RGS7: variants seen among roughly 807,000 people sequenced by gnomAD.
The protein encoded by RGS7 is regulator of G protein signaling 7.
A neutral mutation model predicts 81.1 loss-of-function variants in RGS7; 27 were observed. The observed-to-expected ratio is 0.33, with a 90% CI of 0.25 to 0.46. RGS7 has a LOEUF of 0.46. Ranked by LOEUF, RGS7 falls within the 20% of genes least tolerant of loss-of-function variation. The probability of loss-of-function intolerance (pLI) is 1.00; values close to 1 mark genes in which losing one functional copy is unlikely to be tolerated. For missense variants in RGS7, 396 were observed against 607.4 expected, an observed-to-expected ratio of 0.65 and a Z score of 3.66; for synonymous variants, 208 against 207.7, an observed-to-expected ratio of 1.00 and a Z score of -0.01.
chr1:241,195,615 T>G (rs1036803585), intron 2 of RGS7, among the ~76,000 whole-genome samples: 1 of 152,078 alleles, frequency 6.6e-6, no homozygotes, highest in African/African-American at 2.4e-5. Context: ...GATTAAAATG[T>G]TTAAAAGATT....
At chr1:241,165,050 G>C (rs2070077077) in intron 2 of RGS7, among the ~76,000 whole-genome samples, 4 of 152,168 alleles carry the variant, frequency 2.6e-5, no homozygotes, top group Admixed American at 2.0e-4. Flanking sequence ...CTCATCATTT[G>C]ATGAACTTAA....
In RGS7 at chr1:241,227,039, A is replaced by G. The variant is rs144867375; in HGVS notation, c.79-128277T>C. ...GGCACACTTGGGATCTGAAGCAGCA[A>G]TAATTATGAACTGACAATACGAAGG... On this transcript the variant is annotated intron_variant, in intron 2 of 18. Transcript: ENST00000440928. 1.5e-3 allele frequency among the ~76,000 whole-genome samples: 228 copies of G among 152,322 alleles called. 2 individuals carry two copies. Among genetic ancestry groups the G allele is most frequent in the African/African-American group, 5.3e-3 (220 of 41,576 alleles).
Position 241,355,751 on chromosome 1 carries a change from T to A in RGS7, c.26A>T (p.Gln9Leu). Residue 9 changes from glutamine (Q) to leucine (L), a missense_variant, in exon 2 of 19, where the codon CAG (glutamine) becomes CTG (leucine). Physicochemically the swap from Gln to Leu is moderately radical, Grantham distance 113 (BLOSUM62 -2). Coordinates refer to ENST00000440928, the MANE Select transcript of RGS7 (RefSeq NM_001364886.1). ...TTCATCGGCCACCCCGTTGCTGGTC[T>A]GCCCATAATTATTCCCCTGGGCCAT... MAQGNNYG[Q>L]TSNGVADESP... 6.2e-7 allele frequency: 1 copy of A among 1,614,204 alleles called. No homozygotes were observed. Among genetic ancestry groups the A allele is most frequent in the Non-Finnish European group, 8.5e-7 (1 of 1,180,042 alleles).
rs930744322 is a variant in RGS7 at position 241,318,633 on chromosome 1, T to TTTG, written c.78+37063_78+37065dup. 9.2e-5 allele frequency among the ~76,000 whole-genome samples: 14 copies of TTTG among 151,964 alleles called. No homozygotes were observed. In the East Asian group the frequency reaches 2.0e-3, roughly 21 times the overall value. On this transcript the variant is annotated intron_variant, in intron 2 of 18. Transcript: ENST00000440928. ...CACCATACCTGGCTAATTTCTTATT[T>TTTG]TTGTTGTTGTTGTTGTATTTTTAGT... is the stretch of plus-strand genomic sequence containing the variant.
chr1:241,351,128 A>G (rs922874400), intron 2 of RGS7, among the ~76,000 whole-genome samples: 1 of 152,124 alleles, frequency 6.6e-6, no homozygotes, highest in Non-Finnish European at 1.5e-5. Flanking sequence ...TCAAGAATGG[A>G]GCAGTCACGG....
intron 2 of RGS7, among the ~76,000 whole-genome samples, chr1:241,126,261 T>C: frequency 6.6e-6 from 1 of 152,098 alleles, no homozygotes; most frequent in South Asian, 2.1e-4. Context: ...GGAATTCTCC[T>C]GCCTCAGCCT....
At chr1:240,816,021 G>A (rs1250259143) in intron 11 of RGS7, among the ~76,000 whole-genome samples, 1 of 152,220 alleles carries the variant, frequency 6.6e-6, no homozygotes, top group Non-Finnish European at 1.5e-5. Context: ...AACTATTGAT[G>A]ATGGAGTCAC....
chr1:240,823,603 C>T (rs1000898212), intron 10 of RGS7, among the ~76,000 whole-genome samples: 5 of 152,326 alleles, frequency 3.3e-5, no homozygotes, highest in Middle Eastern at 6.8e-3. Flanking sequence ...CAAGACGACA[C>T]GCCGCGGTGG....
At chr1:241,106,752 C>CCACACACA (rs778017157) in intron 2 of RGS7, among the ~76,000 whole-genome samples, 8,055 of 121,522 alleles carry the variant, frequency 0.066, 342 homozygotes, top group East Asian at 0.11. Flanking sequence ...AACACCACCA[C>CCACACACA]CACACACACA....
At chr1:241,231,506 G>A (rs1280436006) in intron 2 of RGS7, among the ~76,000 whole-genome samples, 5 of 151,204 alleles carry the variant, frequency 3.3e-5, no homozygotes, top group Admixed American at 2.0e-4. Flanking sequence ...CTATAGGCAC[G>A]CACCACCACG....
chr1:241,169,412 T>C (rs562686794), intron 2 of RGS7, among the ~76,000 whole-genome samples: 2 of 142,414 alleles, frequency 1.4e-5, no homozygotes, highest in South Asian at 4.5e-4. Context: ...GGCGCGATCT[T>C]GGGTCACTGC....
chr1:240,870,004 T>TA, intron 7 of RGS7, 51 bp downstream of exon 7: 1 of 1,436,246 alleles, frequency 7.0e-7, no homozygotes, highest in African/African-American at 1.4e-5. Flanking sequence ...CTGTGGGCCT[T>TA]ACTGCTGTGC....
In RGS7 at chr1:241,163,049, A is replaced by T. The variant is rs983948746; in HGVS notation, c.79-64287T>A. ...TTTGGAATTTGCCACTACATAAACTATATAATAGGGGCAGATATGAGCAGT... is the reference window on the plus strand; with the variant it reads ...TTTGGAATTTGCCACTACATAAACTTTATAATAGGGGCAGATATGAGCAGT... On this transcript the variant is annotated intron_variant, in intron 2 of 18. Transcript: ENST00000440928. The surrounding 1 kb of genome is among the most constrained non-coding windows in gnomAD (Gnocchi z 4.6). Among the ~76,000 whole-genome samples, 1 of 152,216 alleles carries T rather than the reference A, an allele frequency of 6.6e-6. No homozygotes were observed. Among genetic ancestry groups the T allele is most frequent in the African/African-American group, 2.4e-5 (1 of 41,464 alleles).
Position 240,878,481 on chromosome 1 carries a change from TTTTC to T in RGS7, c.386-8366_386-8363del, listed in dbSNP as rs199987939. On this transcript the variant is annotated intron_variant, in intron 6 of 18. Transcript: ENST00000440928. ...TGTGTTTTCTTTTCTTTCTTTTCTT[TTTTC>T]TTTCTTTTTTTTTTTTTTTTGCTTT... is the stretch of plus-strand genomic sequence containing the variant. 2.3e-4 allele frequency among the ~76,000 whole-genome samples: 26 copies of T among 110,944 alleles called. 1 individual carries two copies. The highest frequency in any genetic ancestry group is 0.011 in the Middle Eastern group (2 of 182). The allele number at this position is 110,944 out of a possible 152,430, so 72.8% of individuals were successfully genotyped here. A position where few individuals can be genotyped will look rare whatever the true frequency, so the allele number is the denominator to read the frequency against.
chr1:241,032,869 T>C (rs57373607), intron 3 of RGS7, among the ~76,000 whole-genome samples: 8,253 of 152,294 alleles, frequency 0.054, 282 homozygotes, highest in African/African-American at 0.1. Flanking sequence ...TACAATCAAA[T>C]AGTCTTTTGG....
Position 241,089,906 on chromosome 1 carries a change from A to G in RGS7, c.175+8760T>C, listed in dbSNP as rs540500663. ...CTACTCGGGAGGCTGAGGCAGGAGA[A>G]TGGCGTGAACCTGGGAGGTGGAGCT... On this transcript the variant is annotated intron_variant, in intron 3 of 18. Coordinates refer to ENST00000440928, the MANE Select transcript of RGS7 (RefSeq NM_001364886.1). Among the ~76,000 whole-genome samples, 277 of 149,258 alleles carry G rather than the reference A, an allele frequency of 1.9e-3. 2 individuals are homozygous for G. Among genetic ancestry groups the G allele is most frequent in the African/African-American group, 6.3e-3 (256 of 40,674 alleles).
At chr1:241,304,610 T>C (rs1464547578) in intron 2 of RGS7, among the ~76,000 whole-genome samples, 1 of 152,142 alleles carries the variant, frequency 6.6e-6, no homozygotes, top group East Asian at 1.9e-4. Flanking sequence ...GAGCGGGTGT[T>C]GTGAAGAGAA....
At chr1:241,216,127 C>T (rs1370619784) in intron 2 of RGS7, among the ~76,000 whole-genome samples, 1 of 151,958 alleles carries the variant, frequency 6.6e-6, no homozygotes. Flanking sequence ...AAAAACGTAG[C>T]CGGGCGTGGT....
chr1:240,854,429 A>G (rs951202851), intron 9 of RGS7, among the ~76,000 whole-genome samples: 9 of 152,314 alleles, frequency 5.9e-5, no homozygotes, highest in African/African-American at 1.9e-4. Flanking sequence ...CTGGAATATG[A>G]TGCTCTCAAA....
Sources: gnomAD v4.1 joint callset for allele counts (sites outside exome capture counted in the v4.1 genomes callset) on GRCh38, gnomAD v4.1.1 for gene constraint, Gnocchi (gnomAD v3.1) non-coding constraint, MANE v1.5 for transcripts, NCBI Gene and HGNC (gene_info 2026-07-23, HGNC 2026-07-21) for gene names.